OCA2: variants seen among roughly 807,000 people sequenced by gnomAD.
OCA2 encodes the protein OCA2 melanosomal transmembrane protein.
OCA2 carries 77 observed loss-of-function variants against 100.2 expected under a neutral mutation model. The ratio of observed to expected loss-of-function variants is 0.77; its 90% CI spans 0.64 to 0.93. The LOEUF (loss-of-function observed/expected upper bound fraction) is 0.93, where lower values mean the gene tolerates loss of function less well. OCA2 is among the 40% of genes least tolerant of loss of function. The pLI is 0.00. For missense variants in OCA2, 1,062 were observed against 1,089.1 expected (o/e 0.98, Z 0.35); for synonymous variants, 432 against 439.2 (o/e 0.98, Z 0.21).
chr15:27,771,504 G>C (rs1242889227), intron 23 of OCA2, among the ~76,000 whole-genome samples: 1 of 152,204 alleles, frequency 6.6e-6, no homozygotes, highest in Admixed American at 6.5e-5. Context: ...CCGTGGCCGC[G>C]GGCCGAGTCC....
At chr15:28,080,853 T>C (rs1291629815) in intron 2 of OCA2, among the ~76,000 whole-genome samples, 5 of 152,252 alleles carry the variant, frequency 3.3e-5, no homozygotes, top group Admixed American at 1.3e-4. Flanking sequence ...AGTATAAGCA[T>C]TGACATGTAA....
At chr15:28,098,679 C>T (rs2045030132) in intron 1 of OCA2, among the ~76,000 whole-genome samples, 1 of 152,240 alleles carries the variant, frequency 6.6e-6, no homozygotes, top group African/African-American at 2.4e-5. Context: ...CCTGGTTCTG[C>T]AAACCCAGAG....
chr15:28,020,314 C>T (rs1407122049), intron 6 of OCA2, among the ~76,000 whole-genome samples: 2 of 152,204 alleles, frequency 1.3e-5, no homozygotes, highest in African/African-American at 2.4e-5. Flanking sequence ...GCTATCATCT[C>T]ATCTTAGTGA....
intron 19 of OCA2, among the ~76,000 whole-genome samples, chr15:27,914,321 T>C (rs2038582079): frequency 1.3e-5 from 2 of 152,136 alleles, no homozygotes; most frequent in Admixed American, 1.3e-4. Context: ...ATGCCCTCTC[T>C]CACCACTCCT....
chr15:27,989,633 C>T lies in OCA2; in HGVS notation c.1150G>A (p.Asp384Asn), dbSNP rs1365451718. 1.2e-6 allele frequency: 2 copies of T among 1,614,020 alleles called. No homozygotes were observed. Among genetic ancestry groups the T allele is most frequent in the Non-Finnish European group, 1.7e-6 (2 of 1,180,014 alleles). ...PSLTHVVEWI[D>N]FETLALLFGM... Reference sequence around the variant, plus strand: ...AACAGCAGGGCCAGCGTCTCAAAATCAATCCACTCCACCACATGGGTCAGG... The same window carrying T: ...AACAGCAGGGCCAGCGTCTCAAAATTAATCCACTCCACCACATGGGTCAGG... Residue 384 changes from aspartate (D) to asparagine (N), a missense_variant, in exon 11 of 24, where the codon GAT becomes AAT. Coordinates refer to ENST00000354638, the MANE Select transcript of OCA2 (RefSeq NM_000275.3).
At chr15:28,084,125 A>G (rs377631999) in intron 1 of OCA2, among the ~76,000 whole-genome samples, 36 of 152,348 alleles carry the variant, frequency 2.4e-4, no homozygotes, top group African/African-American at 8.7e-4. Flanking sequence ...GGGAGAGCTC[A>G]GCTCCTCTCT....
intron 19 of OCA2, among the ~76,000 whole-genome samples, chr15:27,917,998 G>A (rs1240971548): frequency 6.6e-6 from 1 of 151,410 alleles, no homozygotes; most frequent in East Asian, 1.9e-4. Context: ...TTAAGTTGGA[G>A]AATTATTGAA....
intron 19 of OCA2, among the ~76,000 whole-genome samples, chr15:27,875,604 C>T (rs1409147053): frequency 6.6e-6 from 1 of 152,084 alleles, no homozygotes; most frequent in East Asian, 1.9e-4. Flanking sequence ...GTGGGAAGAA[C>T]TGCACACTAA....
chr15:27,926,148 T>A lies in OCA2; in HGVS notation c.2058A>T (p.Ala686=), dbSNP rs1800416. ...RVEWATLLFF[A]ALFVLMEALA... ...TTACCTCCATCAGAACAAAGAGCGCTGCAAAAAACAGAAGGGTTGCCCATT... is the reference window on the plus strand; with the variant it reads ...TTACCTCCATCAGAACAAAGAGCGCAGCAAAAAACAGAAGGGTTGCCCATT... Residue 686 remains alanine (A), a synonymous_variant, in exon 19 of 24, where the codon GCA becomes GCT. Transcript: ENST00000354638. The A allele has an allele frequency of 1.2e-6, 2 of 1,613,930 alleles. No individual in the cohort carries two copies. The highest frequency in any genetic ancestry group is 2.7e-5 in the African/African-American group (2 of 74,886).
At chr15:27,853,954 G>T (rs1174356876) in intron 21 of OCA2, among the ~76,000 whole-genome samples, 2 of 152,212 alleles carry the variant, frequency 1.3e-5, no homozygotes, top group Non-Finnish European at 2.9e-5. Context: ...CCCTCTGCTG[G>T]GTGCTCAGTC....
intron 21 of OCA2, among the ~76,000 whole-genome samples, chr15:27,857,311 T>C (rs2035980343): frequency 6.6e-6 from 1 of 152,186 alleles, no homozygotes; most frequent in South Asian, 2.1e-4. Context: ...TCAGTGAACT[T>C]GAAGATACGA....
At chr15:27,966,056 C>T (rs999555953) in intron 15 of OCA2, among the ~76,000 whole-genome samples, 16 of 152,162 alleles carry the variant, frequency 1.1e-4, no homozygotes, top group African/African-American at 2.4e-4. Context: ...CTGCAACCTC[C>T]ACCTCCTGGG....
At chr15:27,971,362 T>C (rs2040784342) in intron 14 of OCA2, among the ~76,000 whole-genome samples, 1 of 152,120 alleles carries the variant, frequency 6.6e-6, no homozygotes, top group African/African-American at 2.4e-5. Context: ...TTAAAGATAG[T>C]TGAATAGTTT....
intron 19 of OCA2, among the ~76,000 whole-genome samples, chr15:27,879,758 G>T (rs2036938418): frequency 6.6e-6 from 1 of 152,064 alleles, no homozygotes; most frequent in South Asian, 2.1e-4. Context: ...TTAGACCTTT[G>T]TCAGATAGAT....
chr15:27,810,673 A>G (rs914676014), intron 23 of OCA2, among the ~76,000 whole-genome samples: 2 of 152,216 alleles, frequency 1.3e-5, no homozygotes, highest in Admixed American at 6.5e-5. Context: ...ACAAATCTGC[A>G]AGAAAAAAAC....
chr15:27,916,521 C>G (rs2038670416), intron 19 of OCA2, among the ~76,000 whole-genome samples: 1 of 152,134 alleles, frequency 6.6e-6, no homozygotes, highest in African/African-American at 2.4e-5. Flanking sequence ...CCCTATAAAA[C>G]AAAAGGACAA....
At chr15:27,994,126 G>A (rs185785100) in intron 9 of OCA2, among the ~76,000 whole-genome samples, 20 of 152,278 alleles carry the variant, frequency 1.3e-4, no homozygotes, top group Admixed American at 9.2e-4. Context: ...TACCAGGGCC[G>A]CACAGTGGGA....
intron 21 of OCA2, among the ~76,000 whole-genome samples, chr15:27,865,486 C>T (rs117781925): frequency 6.6e-6 from 1 of 152,200 alleles, no homozygotes; most frequent in Non-Finnish European, 1.5e-5. Flanking sequence ...CCAGGCACTG[C>T]ACCCTGTGTT....
intron 6 of OCA2, among the ~76,000 whole-genome samples, chr15:28,020,063 T>C (rs1013403313): frequency 6.6e-6 from 1 of 151,498 alleles, no homozygotes; most frequent in Admixed American, 6.6e-5. Context: ...AGGCTCTCTC[T>C]CTCCCTCTTC....
Sources: allele counts gnomAD v4.1 joint callset (sites outside exome capture counted in the v4.1 genomes callset), GRCh38; gene constraint gnomAD v4.1.1; transcripts MANE v1.5; gene names NCBI Gene and HGNC (gene_info 2026-07-23, HGNC 2026-07-21).